The following LIN52 variants were observed in gnomAD, a reference collection of about 807,000 sequenced individuals.
LIN52 encodes the protein protein lin-52 homolog.
In LIN52, 4 loss-of-function variants were observed where a neutral mutation model predicts 18.5. The ratio of observed to expected loss-of-function variants is 0.22; its 90% confidence interval spans 0.11 to 0.49. The LOEUF is 0.49. LIN52 is among the 20% of genes least tolerant of loss of function. The pLI is 0.97. For missense variants in LIN52, 102 were observed against 139.5 expected (o/e 0.73, Z 1.35); for synonymous variants, 34 against 45.5 (o/e 0.75, Z 1.02).
At chr14:74,154,422 G>A (rs543105679) in intron 5 of LIN52, among the ~76,000 whole-genome samples, 1 of 152,082 alleles carries the variant, frequency 6.6e-6, no homozygotes, top group Admixed American at 6.5e-5. Flanking sequence ...TATTGGCTGT[G>A]GTTAACCAAA....
chr14:74,174,974 C>T (rs2061286068), intron 5 of LIN52, among the ~76,000 whole-genome samples: 1 of 149,862 alleles, frequency 6.7e-6, no homozygotes, highest in Admixed American at 6.7e-5. Flanking sequence ...ATGATCACAC[C>T]ACTGCACTCT....
intron 2 of LIN52, among the ~76,000 whole-genome samples, chr14:74,091,930 G>C (rs765567062): frequency 2.0e-5 from 3 of 152,034 alleles, no homozygotes; most frequent in African/African-American, 4.8e-5. Flanking sequence ...GGTTTAATTT[G>C]TTCAGAACAC....
chr14:74,147,426 A>C (rs922083124), intron 5 of LIN52, among the ~76,000 whole-genome samples: 2 of 152,212 alleles, frequency 1.3e-5, no homozygotes, highest in Non-Finnish European at 2.9e-5. Context: ...AGTTTCTTAG[A>C]TATGATACCA....
At chr14:74,191,017 T>A (rs891152959) in intron 5 of LIN52, among the ~76,000 whole-genome samples, 2 of 152,216 alleles carry the variant, frequency 1.3e-5, no homozygotes, top group Non-Finnish European at 2.9e-5. Context: ...GTCCTTGACT[T>A]ATTGATCACT....
intron 5 of LIN52, among the ~76,000 whole-genome samples, chr14:74,137,496 C>CTTTTTTTTTTTTTTTTTTTTTT (rs1409995305): frequency 1.2e-5 from 1 of 85,518 alleles, no homozygotes; most frequent in African/African-American, 5.1e-5. Flanking sequence ...CACAGCAGCT[C>CTTTTTTTTTTTTTTTTTTTTTT]TCTTTTTTTT....
At position 74,185,309 on chromosome 14, in the gene LIN52, CTTTTTTTTT is replaced by C. The variant is rs71115969; in HGVS notation, c.284-13598_284-13590del. Among the ~76,000 whole-genome samples the C allele has an allele frequency of 7.6e-5, 6 of 78,786 alleles. 1 individual carries two copies. The highest frequency in any genetic ancestry group is 2.2e-5 in the Non-Finnish European group (1 of 45,588). 51.7% of individuals were successfully genotyped at this position (78,786 alleles called of 152,430 possible). On this transcript the variant is annotated intron_variant, in intron 5 of 5. Coordinates refer to ENST00000555028, the MANE Select transcript of LIN52 (RefSeq NM_001024674.3). ...AATATATTTGATTTTATAATGATTT[CTTTTTTTTT>C]TTTTTTTTTTTTTTGAGATGGAGTC...
chr14:74,131,826 TA>T (rs1275049641), intron 5 of LIN52, among the ~76,000 whole-genome samples: 2 of 152,228 alleles, frequency 1.3e-5, no homozygotes, highest in African/African-American at 2.4e-5. Context: ...AACTAAGACC[TA>T]AAAGAAGTGA....
chr14:74,100,712 G>C (rs556909519), intron 4 of LIN52, among the ~76,000 whole-genome samples: 1 of 152,268 alleles, frequency 6.6e-6, no homozygotes, highest in African/African-American at 2.4e-5. Context: ...CTGACCTCGG[G>C]TGATCTGCCC....
chr14:74,155,968 A>G (rs1237212008), intron 5 of LIN52, among the ~76,000 whole-genome samples: 2 of 152,190 alleles, frequency 1.3e-5, no homozygotes, highest in Non-Finnish European at 1.5e-5. Flanking sequence ...TTGACGGTAG[A>G]TAAATGTTCC....
chr14:74,157,702 A>G (rs929012264), intron 5 of LIN52, among the ~76,000 whole-genome samples: 3 of 151,840 alleles, frequency 2.0e-5, no homozygotes, highest in Non-Finnish European at 4.4e-5. Flanking sequence ...GGGATGAGCC[A>G]CCGTGCTCAG....
chr14:74,190,389 C>CTTTT (rs68037994), intron 5 of LIN52, among the ~76,000 whole-genome samples: 1,369 of 106,220 alleles, frequency 0.013, 102 homozygotes, highest in African/African-American at 0.031. Context: ...GCCTAAATAA[C>CTTTT]TTTTTTTTTT....
intron 5 of LIN52, among the ~76,000 whole-genome samples, chr14:74,186,692 GTTGA>G (rs1485707513): frequency 2.0e-5 from 3 of 152,078 alleles, no homozygotes; most frequent in Non-Finnish European, 4.4e-5. Context: ...AAGTAAATAG[GTTGA>G]TATTCAAGAA....
chr14:74,097,911 G>T, intron 4 of LIN52, 51 bp downstream of exon 4: 2 of 1,339,772 alleles, frequency 1.5e-6, no homozygotes, highest in South Asian at 2.5e-5. Context: ...TTTTTCCATA[G>T]ACCACCTCTC....
chr14:74,097,779 A>C lies in LIN52; in HGVS notation c.133-15A>C, dbSNP rs1478238071. Reference sequence around the variant, plus strand: ...ACTTTTTATGTGTCTGAATGGATATATTATTTTTTGACAGCCTATTACTAG... The same window carrying C: ...ACTTTTTATGTGTCTGAATGGATATCTTATTTTTTGACAGCCTATTACTAG... On this transcript the variant is annotated splice_polypyrimidine_tract_variant and intron_variant, in intron 3 of 5. Coordinates refer to ENST00000555028, the MANE Select transcript of LIN52 (RefSeq NM_001024674.3). The C allele has an allele frequency of 2.5e-6, 4 of 1,577,506 alleles. No individual in the cohort carries two copies. In the Admixed American group the frequency reaches 6.7e-5, roughly 26 times the overall value.
intron 5 of LIN52, among the ~76,000 whole-genome samples, chr14:74,147,197 G>A (rs115534829): frequency 0.018 from 2,797 of 152,240 alleles, 86 homozygotes; most frequent in African/African-American, 0.064. Flanking sequence ...GGCGAAGGTT[G>A]CAGTGACCCG....
intron 1 of LIN52, among the ~76,000 whole-genome samples, chr14:74,090,460 T>C (rs182504401): frequency 1.1e-4 from 16 of 151,812 alleles, no homozygotes; most frequent in African/African-American, 3.1e-4. Context: ...CTCAGCCTCC[T>C]GAGTAGCTGG....
At chr14:74,147,009 A>G (rs2061154857) in intron 5 of LIN52, among the ~76,000 whole-genome samples, 2 of 152,164 alleles carry the variant, frequency 1.3e-5, no homozygotes, top group Admixed American at 6.6e-5. Flanking sequence ...CTGTAAACCC[A>G]GCAATTTGGG....
At chr14:74,161,732 G>C (rs2139565629) in intron 5 of LIN52, among the ~76,000 whole-genome samples, 1 of 152,350 alleles carries the variant, frequency 6.6e-6, no homozygotes, top group Admixed American at 6.5e-5. Context: ...CCTGATGGCA[G>C]TGAAGAATCT....
chr14:74,171,434 T>G (rs1043502677), intron 5 of LIN52, among the ~76,000 whole-genome samples: 2 of 151,656 alleles, frequency 1.3e-5, no homozygotes, highest in Non-Finnish European at 2.9e-5. Flanking sequence ...AAATAATGTT[T>G]CAGAAAGATG....
Sources: allele counts gnomAD v4.1 joint callset (sites outside exome capture counted in the v4.1 genomes callset), GRCh38; gene constraint gnomAD v4.1.1; transcripts MANE v1.5; gene names NCBI Gene and HGNC (gene_info 2026-07-23, HGNC 2026-07-21).